The following LRRTM4 variants were observed in gnomAD, a reference collection of about 807,000 sequenced individuals.
LRRTM4 encodes the protein leucine rich repeat transmembrane neuronal 4.
In LRRTM4, 25 loss-of-function variants were observed where a neutral mutation model predicts 47.6. The ratio of observed to expected loss-of-function variants is 0.53; its 90% confidence interval spans 0.38 to 0.73. The LOEUF is 0.73. LRRTM4 is among the 30% of genes least tolerant of loss of function. The pLI is 0.00. For synonymous variants in LRRTM4, 311 were observed against 269.5 expected, an observed-to-expected ratio of 1.15 and a Z score of -1.51; for missense variants, 638 against 713.4, an observed-to-expected ratio of 0.89 and a Z score of 1.20.
intron 3 of LRRTM4, among the ~76,000 whole-genome samples, chr2:77,130,147 C>T (rs991814531): frequency 9.8e-5 from 15 of 152,288 alleles, no homozygotes; most frequent in South Asian, 8.3e-4. Flanking sequence ...ATTTTTAATG[C>T]ATCCCAGTGC....
chr2:77,201,856 T>C (rs1379198233), intron 3 of LRRTM4, among the ~76,000 whole-genome samples: 1 of 152,126 alleles, frequency 6.6e-6, no homozygotes, highest in Non-Finnish European at 1.5e-5. Flanking sequence ...AAATGTGATT[T>C]TTCATAATGC....
chr2:77,013,813 A>G (rs1241944712), intron 3 of LRRTM4, among the ~76,000 whole-genome samples: 1 of 152,204 alleles, frequency 6.6e-6, no homozygotes, highest in Admixed American at 6.5e-5. Context: ...ATTTACCCCA[A>G]TAAGATAATG....
At chr2:76,836,717 C>G (rs1671524444) in intron 3 of LRRTM4, among the ~76,000 whole-genome samples, 1 of 152,044 alleles carries the variant, frequency 6.6e-6, no homozygotes, top group East Asian at 1.9e-4. Flanking sequence ...CACACATTTA[C>G]TAAGTAGCAC....
At chr2:76,780,750 C>T (rs1332598721) in intron 3 of LRRTM4, among the ~76,000 whole-genome samples, 1 of 152,184 alleles carries the variant, frequency 6.6e-6, no homozygotes, top group Non-Finnish European at 1.5e-5. Flanking sequence ...AAGTCTTCTT[C>T]TCTCAGCTTG....
intron 3 of LRRTM4, among the ~76,000 whole-genome samples, chr2:76,790,564 A>G (rs763197506): frequency 1.3e-5 from 2 of 152,186 alleles, no homozygotes; most frequent in Non-Finnish European, 2.9e-5. Flanking sequence ...TAAAATCCTA[A>G]TAGTGTTTGA....
intron 3 of LRRTM4, among the ~76,000 whole-genome samples, chr2:77,035,785 G>A (rs1678816034): frequency 6.6e-6 from 1 of 151,718 alleles, no homozygotes; most frequent in Non-Finnish European, 1.5e-5. Context: ...ACCTGTTGGA[G>A]AGCATGTGAG....
chr2:77,247,062 T>C (rs540930292), intron 3 of LRRTM4, among the ~76,000 whole-genome samples: 26 of 152,182 alleles, frequency 1.7e-4, no homozygotes, highest in African/African-American at 6.3e-4. Context: ...ATCTATGCAA[T>C]TTTTACTTCA....
intron 3 of LRRTM4, among the ~76,000 whole-genome samples, chr2:76,753,832 T>C (rs1480717380): frequency 2.6e-5 from 4 of 152,142 alleles, no homozygotes; most frequent in Non-Finnish European, 5.9e-5. Context: ...GTGAAAGGCT[T>C]TTGAAGTTCA....
At chr2:77,156,542 A>C (rs1672564515) in intron 3 of LRRTM4, among the ~76,000 whole-genome samples, 1 of 152,154 alleles carries the variant, frequency 6.6e-6, no homozygotes, top group African/African-American at 2.4e-5. Context: ...AATAAATGAT[A>C]TATTCAGAAT....
chr2:77,129,334 C>A (rs1271995575), intron 3 of LRRTM4, among the ~76,000 whole-genome samples: 3 of 152,310 alleles, frequency 2.0e-5, no homozygotes, highest in Admixed American at 6.5e-5. Flanking sequence ...ATTCAAACTG[C>A]CACAGCCTAA....
intron 3 of LRRTM4, among the ~76,000 whole-genome samples, chr2:77,042,839 C>A (rs1293647727): frequency 4.0e-5 from 6 of 151,678 alleles, no homozygotes; most frequent in African/African-American, 1.2e-4. Context: ...AACTTTCTGA[C>A]CTCTCCCACT....
At chr2:77,116,759 A>G (rs1269868986) in intron 3 of LRRTM4, among the ~76,000 whole-genome samples, 1 of 151,936 alleles carries the variant, frequency 6.6e-6, no homozygotes. Flanking sequence ...CTACTCCCCC[A>G]TACACTCAAA....
chr2:76,779,000 G>T (rs1224519739), intron 3 of LRRTM4, among the ~76,000 whole-genome samples: 1 of 136,154 alleles, frequency 7.3e-6, no homozygotes, highest in African/African-American at 3.0e-5. Flanking sequence ...CCTTATTTGT[G>T]CCTTCATTTC....
At chr2:77,352,792 C>A (rs1054558763) in intron 3 of LRRTM4, among the ~76,000 whole-genome samples, 1 of 151,686 alleles carries the variant, frequency 6.6e-6, no homozygotes, top group Non-Finnish European at 1.5e-5. Context: ...ATTATAAATG[C>A]CTTTTCAGTG....
intron 3 of LRRTM4, among the ~76,000 whole-genome samples, chr2:77,298,014 A>T (rs2104152374): frequency 6.6e-6 from 1 of 152,336 alleles, no homozygotes; most frequent in South Asian, 2.1e-4. Context: ...AGCATGATGG[A>T]TGAGCATGTG....
intron 3 of LRRTM4, among the ~76,000 whole-genome samples, chr2:77,283,740 A>G (rs970616088): frequency 5.3e-5 from 8 of 152,072 alleles, no homozygotes; most frequent in African/African-American, 9.7e-5. Flanking sequence ...AAAATACCGC[A>G]TGTTCTCAAT....
chr2:77,224,100 G>C (rs1357965135), intron 3 of LRRTM4, among the ~76,000 whole-genome samples: 1 of 151,370 alleles, frequency 6.6e-6, no homozygotes, highest in East Asian at 1.9e-4. Context: ...AGAAAAACAA[G>C]CAATGGGGAA....
At chr2:76,945,656 CAAAAAG>C (rs1675298523) in intron 3 of LRRTM4, among the ~76,000 whole-genome samples, 1 of 151,388 alleles carries the variant, frequency 6.6e-6, no homozygotes, top group African/African-American at 2.4e-5. Context: ...AATTCAAGAA[CAAAAAG>C]AAAAACAATG....
At chr2:77,041,444 C>G (rs895346756) in intron 3 of LRRTM4, among the ~76,000 whole-genome samples, 2 of 151,450 alleles carry the variant, frequency 1.3e-5, no homozygotes, top group African/African-American at 4.8e-5. Context: ...ACTAGTGAGA[C>G]AGCCAGATCA....
Sources: allele counts gnomAD v4.1 joint callset (sites outside exome capture counted in the v4.1 genomes callset), GRCh38; gene constraint gnomAD v4.1.1; transcripts MANE v1.5; gene names NCBI Gene and HGNC (gene_info 2026-07-23, HGNC 2026-07-21).